ITGBL1: variants seen among roughly 807,000 people sequenced by gnomAD.
The protein encoded by ITGBL1 is integrin subunit beta like 1, also known as integrin beta-like protein 1.
ITGBL1 carries 51 observed loss-of-function variants against 68.5 expected under a neutral mutation model. The observed-to-expected ratio is 0.74, with a 90% CI of 0.59 to 0.94. The LOEUF (loss-of-function observed/expected upper bound fraction) is 0.94. Ranked by LOEUF, ITGBL1 falls within the 40% of genes least tolerant of loss-of-function variation. The pLI, the probability that ITGBL1 is intolerant of heterozygous loss-of-function variation, is 0.00. For synonymous variants in ITGBL1, 209 were observed against 227.3 expected (o/e 0.92, Z 0.72); for missense variants, 649 against 647.4 (o/e 1.00, Z -0.03).
chr13:101,631,102 C>T (rs1365524323), intron 7 of ITGBL1, among the ~76,000 whole-genome samples: 1 of 152,156 alleles, frequency 6.6e-6, no homozygotes, highest in African/African-American at 2.4e-5. Flanking sequence ...TAAGAAAAGT[C>T]TTTAACTCTG....
intron 2 of ITGBL1, among the ~76,000 whole-genome samples, chr13:101,466,044 G>A (rs1016270071): frequency 2.2e-4 from 33 of 152,178 alleles, no homozygotes; most frequent in African/African-American, 7.7e-4. Context: ...AAGAAAACTT[G>A]GAGGGGAGGG....
At chr13:101,535,663 C>T (rs2049561122) in intron 2 of ITGBL1, among the ~76,000 whole-genome samples, 1 of 152,056 alleles carries the variant, frequency 6.6e-6, no homozygotes, top group South Asian at 2.1e-4. Context: ...CATGTTGAAG[C>T]TAATTGACAT....
intron 6 of ITGBL1, among the ~76,000 whole-genome samples, chr13:101,593,009 A>G (rs1404118841): frequency 6.6e-6 from 1 of 152,138 alleles, no homozygotes; most frequent in Non-Finnish European, 1.5e-5. Flanking sequence ...ATAGTTGCAA[A>G]CTATATATCT....
At chr13:101,718,598 T>C (rs770759755), downstream of ITGBL1, 1 of 151,978 alleles carries the variant, frequency 6.6e-6, no homozygotes, top group Non-Finnish European at 1.5e-5. Flanking sequence ...ACCCAGAGAC[T>C]TTTTCAAAAA....
intron 6 of ITGBL1, among the ~76,000 whole-genome samples, chr13:101,594,521 G>T (rs982971090): frequency 1.3e-5 from 2 of 149,148 alleles, no homozygotes; most frequent in East Asian, 3.9e-4. Flanking sequence ...ATTGGTCTTA[G>T]CAATGATTTT....
At chr13:101,620,704 A>T (rs2031546423) in intron 7 of ITGBL1, among the ~76,000 whole-genome samples, 1 of 152,168 alleles carries the variant, frequency 6.6e-6, no homozygotes, top group African/African-American at 2.4e-5. Context: ...AATGTGGATG[A>T]GTCAAAGTTA....
In ITGBL1 at chr13:101,629,633, T is replaced by C. The variant is rs115501885; in HGVS notation, c.1015+31334T>C. On this transcript the variant is annotated intron_variant, in intron 7 of 10. Coordinates refer to ENST00000376180, the MANE Select transcript of ITGBL1 (RefSeq NM_004791.3). ...GAAATTATTAGTATAAACTTTGCTT[T>C]TTATAACTAGGTAAATAAAATTTTA... 8.2e-3 allele frequency among the ~76,000 whole-genome samples: 1,253 copies of C among 152,252 alleles called. 19 individuals carry two copies. Among genetic ancestry groups the C allele is most frequent in the African/African-American group, 0.026 (1,092 of 41,552 alleles).
At chr13:101,674,511 G>A (rs1247717664) in intron 7 of ITGBL1, among the ~76,000 whole-genome samples, 1 of 151,978 alleles carries the variant, frequency 6.6e-6, no homozygotes, top group Non-Finnish European at 1.5e-5. Context: ...ATTTAGTTTA[G>A]ATTACCTTCA....
intron 7 of ITGBL1, among the ~76,000 whole-genome samples, chr13:101,653,069 C>T (rs1192796327): frequency 1.3e-5 from 2 of 150,960 alleles, no homozygotes; most frequent in East Asian, 3.9e-4. Flanking sequence ...GCACTCCAGC[C>T]TGGGCAACAA....
At chr13:101,480,006 A>G (rs1199048025) in intron 2 of ITGBL1, among the ~76,000 whole-genome samples, 2 of 152,120 alleles carry the variant, frequency 1.3e-5, no homozygotes, top group Non-Finnish European at 2.9e-5. Flanking sequence ...TGGAAGAGAT[A>G]TCTGCCCTGT....
intron 7 of ITGBL1, among the ~76,000 whole-genome samples, chr13:101,663,963 A>G (rs1029287517): frequency 4.6e-5 from 7 of 152,228 alleles, no homozygotes; most frequent in African/African-American, 1.7e-4. Flanking sequence ...GAGAAACAGC[A>G]GATTTATTGT....
chr13:101,469,028 A>C (rs2048421845), intron 2 of ITGBL1, among the ~76,000 whole-genome samples: 1 of 152,202 alleles, frequency 6.6e-6, no homozygotes, highest in African/African-American at 2.4e-5. Context: ...ATTACCTTAC[A>C]TTATTTTGTG....
chr13:101,661,364 C>T (rs1025936345), intron 7 of ITGBL1, among the ~76,000 whole-genome samples: 1 of 152,050 alleles, frequency 6.6e-6, no homozygotes, highest in Non-Finnish European at 1.5e-5. Flanking sequence ...TGATCTTGCA[C>T]CTCTTCAGTC....
rs772637725 is a variant in ITGBL1, at chr13:101,575,556, T to C, written c.586+10T>C. 6.2e-7 allele frequency: 1 copy of C among 1,610,288 alleles called. No individual in the cohort carries two copies. The highest frequency in any genetic ancestry group is 2.2e-5 in the East Asian group (1 of 44,768). On this transcript the variant is annotated intron_variant, in intron 4 of 10. Coordinates refer to ENST00000376180, the MANE Select transcript of ITGBL1 (RefSeq NM_004791.3). ...GAAGAAATATGTGGAGGTATGTATA[T>C]TGGCTCTGTAGAAATTAATAAAAGT... is the stretch of plus-strand genomic sequence containing the variant.
At position 101,598,307 on chromosome 13, in the gene ITGBL1, A is replaced by G. The variant is rs1180234976; in HGVS notation, c.1015+8A>G. 1.9e-6 allele frequency: 3 copies of G among 1,592,414 alleles called. No individual in the cohort carries two copies. Among genetic ancestry groups the G allele is most frequent in the Non-Finnish European group, 2.6e-6 (3 of 1,170,088 alleles). ...TGCCTTGCTCTGGGAGGGGTAAGTG[A>G]GGTCTCTCAGGGCTTCCCACGGCCT... is the stretch of plus-strand genomic sequence containing the variant. On this transcript the variant is annotated splice_region_variant and intron_variant, in intron 7 of 10. Coordinates refer to ENST00000376180, the MANE Select transcript of ITGBL1 (RefSeq NM_004791.3).
chr13:101,494,049 C>CTTTGAGGAG (rs1168436023), intron 2 of ITGBL1, among the ~76,000 whole-genome samples: 9 of 152,218 alleles, frequency 5.9e-5, no homozygotes, highest in Non-Finnish European at 1.3e-4. Flanking sequence ...TGAGGAGACA[C>CTTTGAGGAG]ATTGTTTACC....
intron 6 of ITGBL1, among the ~76,000 whole-genome samples, chr13:101,588,162 T>A (rs2050589287): frequency 6.6e-6 from 1 of 152,212 alleles, no homozygotes; most frequent in Non-Finnish European, 1.5e-5. Context: ...TAATAATTCC[T>A]GCCTTCCCAG....
intron 2 of ITGBL1, among the ~76,000 whole-genome samples, chr13:101,561,904 G>T (rs2050106734): frequency 6.6e-6 from 1 of 152,072 alleles, no homozygotes; most frequent in Non-Finnish European, 1.5e-5. Flanking sequence ...AATGAAAATG[G>T]AATAAATTAA....
intron 2 of ITGBL1, among the ~76,000 whole-genome samples, chr13:101,554,912 TTAG>T (rs1359992962): frequency 1.3e-5 from 2 of 152,188 alleles, no homozygotes; most frequent in Non-Finnish European, 2.9e-5. Flanking sequence ...GTTGCAAAGA[TTAG>T]TATTACTCTG....
Sources: gnomAD v4.1 joint callset for allele counts (sites outside exome capture counted in the v4.1 genomes callset) on GRCh38, gnomAD v4.1.1 for gene constraint, MANE v1.5 for transcripts, NCBI Gene and HGNC (gene_info 2026-07-23, HGNC 2026-07-21) for gene names.